Variants in SYNPR observed in about 807,000 individuals in gnomAD.
The protein encoded by SYNPR is synaptoporin.
In SYNPR, 23 loss-of-function variants were observed where a neutral mutation model predicts 32.9. The observed-to-expected ratio is 0.70, with a 90% CI of 0.50 to 0.99. SYNPR has a LOEUF of 0.99. SYNPR is among the 50% of genes least tolerant of loss of function. SYNPR has a pLI of 0.00. For missense variants in SYNPR, 318 were observed against 349.3 expected (o/e 0.91, Z 0.71); for synonymous variants, 146 against 135.9 (o/e 1.07, Z -0.52).
rs879304019 is a variant in SYNPR, at chr3:63,367,347, T to TTATTTATTTATG, written c.84+88616_84+88617insGTATTTATTTAT. ...CCTCTAAGCATCACTGTTGAATTATTTATTTATTTATTTATTTATTTATTT... is the reference window on the plus strand; with the variant it reads ...CCTCTAAGCATCACTGTTGAATTATTTATTTATTTATGTATTTATTTATTTATTTATTTATTT... On this transcript the variant is annotated intron_variant, in intron 2 of 5. Coordinates refer to ENST00000478300, the MANE Select transcript of SYNPR (RefSeq NM_001130003.2). 2.5e-3 allele frequency among the ~76,000 whole-genome samples: 359 copies of TTATTTATTTATG among 141,170 alleles called. 11 individuals carry two copies. The East Asian group carries it at 0.052, about 21-fold the overall frequency. 92.6% of individuals were successfully genotyped at this position (141,170 alleles called of 152,430 possible).
chr3:63,534,295 AT>A (rs1408119642), intron 3 of SYNPR, among the ~76,000 whole-genome samples: 10 of 152,194 alleles, frequency 6.6e-5, no homozygotes, highest in Admixed American at 2.0e-4. Flanking sequence ...TTCTGTCAAC[AT>A]TTTTGTGCTT....
chr3:63,466,846 C>T (rs1171040283), intron 2 of SYNPR, among the ~76,000 whole-genome samples: 1 of 148,134 alleles, frequency 6.8e-6, no homozygotes, highest in Non-Finnish European at 1.5e-5. Flanking sequence ...TTAATTACTA[C>T]CTTAGTGGCC....
intron 2 of SYNPR, among the ~76,000 whole-genome samples, chr3:63,331,556 G>A (rs1213246597): frequency 2.6e-5 from 4 of 151,806 alleles, no homozygotes; most frequent in South Asian, 2.1e-4. Context: ...TTATACTAAC[G>A]CTTTGAAGCT....
At chr3:63,350,424 A>AT (rs1158489814) in intron 2 of SYNPR, among the ~76,000 whole-genome samples, 3 of 152,018 alleles carry the variant, frequency 2.0e-5, no homozygotes, top group Non-Finnish European at 4.4e-5. Flanking sequence ...TCTTCTTCAT[A>AT]TTTTTTTTGC....
chr3:63,560,134 G>A (rs1702661570), intron 4 of SYNPR, among the ~76,000 whole-genome samples: 1 of 152,074 alleles, frequency 6.6e-6, no homozygotes. Context: ...TGTCGTGGGA[G>A]GAAGGAACAG....
chr3:63,261,342 T>G (rs2086436184), intron 2 of SYNPR, among the ~76,000 whole-genome samples: 2 of 151,478 alleles, frequency 1.3e-5, no homozygotes, highest in South Asian at 4.2e-4. Context: ...ATAGACAGGA[T>G]TAAGAAAATG....
chr3:63,465,587 A>G (rs1220422722), intron 2 of SYNPR, among the ~76,000 whole-genome samples: 2 of 152,148 alleles, frequency 1.3e-5, no homozygotes, highest in Non-Finnish European at 2.9e-5. Context: ...TAATATTATG[A>G]GCCTCTGCTT....
chr3:63,240,304 C>T (rs1330051006), intron 1 of SYNPR, among the ~76,000 whole-genome samples: 1 of 152,028 alleles, frequency 6.6e-6, no homozygotes, highest in African/African-American at 2.4e-5. Context: ...TTTTTTCCTG[C>T]ATCAGAAGCA....
chr3:63,235,562 G>A (rs976930769), intron 1 of SYNPR, among the ~76,000 whole-genome samples: 8 of 152,124 alleles, frequency 5.3e-5, no homozygotes, highest in African/African-American at 1.9e-4. Context: ...GGGGACTCCA[G>A]GAAGCTGTGT....
rs536242268 is a variant in SYNPR at position 63,473,155 on chromosome 3, C to A, written c.85-7677C>A. On this transcript the variant is annotated intron_variant, in intron 2 of 5. Coordinates refer to ENST00000478300, the MANE Select transcript of SYNPR (RefSeq NM_001130003.2). ...ACTTACTCCTCTCTGCCTAAAACAC[C>A]CTTCTCCCTCTTACCTGGATAACTC... Among the ~76,000 whole-genome samples, 268 of 152,224 alleles carry A rather than the reference C, an allele frequency of 1.8e-3. 2 individuals are homozygous for A. Among genetic ancestry groups the A allele is most frequent in the African/African-American group, 6.0e-3 (251 of 41,546 alleles).
At chr3:63,355,108 G>A (rs560301619) in intron 2 of SYNPR, among the ~76,000 whole-genome samples, 15 of 151,972 alleles carry the variant, frequency 9.9e-5, no homozygotes, top group East Asian at 9.7e-4. Context: ...GTAAAACCCC[G>A]TCTCTACTAA....
intron 4 of SYNPR, 137 bp from the exon 5 acceptor site, chr3:63,608,988 A>C (rs1480408049): frequency 2.8e-5 from 17 of 603,512 alleles, no homozygotes; most frequent in Middle Eastern, 4.3e-4. Context: ...TGTTTTTCTA[A>C]ATGTTTTCCT....
At chr3:63,573,652 A>G (rs1393799888) in intron 4 of SYNPR, among the ~76,000 whole-genome samples, 1 of 152,090 alleles carries the variant, frequency 6.6e-6, no homozygotes, top group Non-Finnish European at 1.5e-5. Context: ...GGTTCACTGA[A>G]CCCTTCATTA....
At chr3:63,534,148 G>T (rs556690348) in intron 3 of SYNPR, among the ~76,000 whole-genome samples, 9 of 152,098 alleles carry the variant, frequency 5.9e-5, no homozygotes, top group South Asian at 4.2e-4. Context: ...GTATGTCAGG[G>T]CTTTATTACC....
intron 2 of SYNPR, among the ~76,000 whole-genome samples, chr3:63,460,351 A>T (rs1236390888): frequency 6.6e-6 from 1 of 151,596 alleles, no homozygotes; most frequent in South Asian, 2.1e-4. Flanking sequence ...CCACCAGAAC[A>T]CTCTTCTCAC....
At chr3:63,255,037 C>A (rs2086370130) in intron 2 of SYNPR, among the ~76,000 whole-genome samples, 1 of 152,156 alleles carries the variant, frequency 6.6e-6, no homozygotes, top group South Asian at 2.1e-4. Flanking sequence ...AAATACATTT[C>A]TGTTCAAGAT....
chr3:63,278,373 G>A lies in SYNPR; in HGVS notation c.-161G>A. 1.2e-6 allele frequency: 1 copy of A among 866,050 alleles called. No homozygotes were observed. Among genetic ancestry groups the A allele is most frequent in the Non-Finnish European group, 1.7e-6 (1 of 573,342 alleles). The allele number at this position is 866,050 out of a possible 1,614,324, so 53.6% of individuals were successfully genotyped here. ...TCCCGGAGCGCAGAGCCCAGCGTTA[G>A]CGGGTGGGCTCCCCGAGGCCCCCTG... On this transcript the variant is annotated 5_prime_UTR_variant, in exon 1 of 6. Coordinates refer to ENST00000478300, the MANE Select transcript of SYNPR (RefSeq NM_001130003.2).
At chr3:63,605,638 A>G (rs1700106894) in intron 4 of SYNPR, among the ~76,000 whole-genome samples, 1 of 152,252 alleles carries the variant, frequency 6.6e-6, no homozygotes, top group Non-Finnish European at 1.5e-5. Flanking sequence ...GTTGGTGAAC[A>G]TGAAACTGAG....
At chr3:63,579,710 C>T (rs1703054909) in intron 4 of SYNPR, among the ~76,000 whole-genome samples, 1 of 151,726 alleles carries the variant, frequency 6.6e-6, no homozygotes, top group Non-Finnish European at 1.5e-5. Flanking sequence ...GATTATCTGG[C>T]TAATTTTCCC....
Sources: gnomAD v4.1 joint callset for allele counts (sites outside exome capture counted in the v4.1 genomes callset) on GRCh38, gnomAD v4.1.1 for gene constraint, MANE v1.5 for transcripts, NCBI Gene and HGNC (gene_info 2026-07-23, HGNC 2026-07-21) for gene names.